CLIC5: variants seen among roughly 807,000 people sequenced by gnomAD.
CLIC5 encodes the protein CLIC family member 5.
Under a neutral mutation model 24.7 loss-of-function variants are expected in CLIC5, and 20 were observed. That is an observed-to-expected ratio of 0.81 (90% CI 0.57 to 1.18). The LOEUF (loss-of-function observed/expected upper bound fraction) is 1.18. Ranked by LOEUF, CLIC5 falls within the 50% of genes most tolerant of loss-of-function variation. The pLI, the probability that CLIC5 is intolerant of heterozygous loss-of-function variation, is 0.00. For synonymous variants in CLIC5, 159 were observed against 135.6 expected, an observed-to-expected ratio of 1.17 and a Z score of -1.20; for missense variants, 341 against 326.1, an observed-to-expected ratio of 1.05 and a Z score of -0.35.
chr6:45,997,775 A>T (rs1248407257), intron 1 of CLIC5, among the ~76,000 whole-genome samples: 1 of 152,254 alleles, frequency 6.6e-6, no homozygotes. Flanking sequence ...AAAGGCCTGG[A>T]ACATGAGGAA....
At chr6:46,080,212 C>T (rs899498258) in exon 1 of CLIC5, 12 of 1,551,534 alleles carry the variant, frequency 7.7e-6, no homozygotes, top group African/African-American at 1.4e-5. Context: ...TGGATTGTGT[C>T]ATAGATGGTG....
chr6:46,121,510 G>A, the CLIC5 span, among the ~76,000 whole-genome samples: 2 of 152,210 alleles, frequency 1.3e-5, no homozygotes, highest in African/African-American at 4.8e-5. Flanking sequence ...ATGCTAGGAA[G>A]AAACTGCATC....
rs1350453789 is a variant in CLIC5, at chr6:45,936,735, C to T, written c.406+4812G>A. 6.6e-5 allele frequency among the ~76,000 whole-genome samples: 10 copies of T among 152,114 alleles called. No homozygotes were observed. In the South Asian group the frequency reaches 2.1e-3, roughly 32 times the overall value. ...CCATACACAGTCACCTGCCTCTCTGCATAGGAAACACAGCATGTTTAGAAA... is the reference window on the plus strand; with the variant it reads ...CCATACACAGTCACCTGCCTCTCTGTATAGGAAACACAGCATGTTTAGAAA... On this transcript the variant is annotated intron_variant, in intron 4 of 5. Coordinates refer to ENST00000339561, the MANE Select transcript of CLIC5 (RefSeq NM_016929.5).
chr6:46,083,380 TGG>T (rs1762964068), upstream of CLIC5, among the ~76,000 whole-genome samples: 1 of 152,260 alleles, frequency 6.6e-6, no homozygotes, highest in African/African-American at 2.4e-5. Flanking sequence ...GTGCCAATTT[TGG>T]ATCTTTCCTG....
the CLIC5 span, among the ~76,000 whole-genome samples, chr6:46,128,918 C>T: frequency 6.6e-6 from 1 of 152,182 alleles, no homozygotes; most frequent in African/African-American, 2.4e-5. Flanking sequence ...ATCTCCATGG[C>T]TGCTTCCAGA....
intron 1 of CLIC5, among the ~76,000 whole-genome samples, chr6:45,974,782 T>C (rs1765332096): frequency 6.6e-6 from 1 of 152,068 alleles, no homozygotes; most frequent in Non-Finnish European, 1.5e-5. Context: ...GTAACATGTG[T>C]GGATATATAT....
upstream of CLIC5, among the ~76,000 whole-genome samples, chr6:46,016,798 G>A (rs959930247): frequency 6.6e-6 from 1 of 152,130 alleles, no homozygotes; most frequent in African/African-American, 2.4e-5. Context: ...CATTATTCTG[G>A]CTTGTAGCAG....
intron 6 of CLIC5, among the ~76,000 whole-genome samples, chr6:45,884,658 C>A (rs1235053643): frequency 6.6e-6 from 1 of 152,122 alleles, no homozygotes; most frequent in Non-Finnish European, 1.5e-5. Context: ...GGGCTGTGTC[C>A]TGAGTGAGAA....
intron 2 of CLIC5, among the ~76,000 whole-genome samples, chr6:45,953,388 T>C (rs1028615661): frequency 1.3e-5 from 2 of 152,136 alleles, no homozygotes; most frequent in Middle Eastern, 3.4e-3. Context: ...GGTGTGCTTG[T>C]ATGAGTGTGG....
chr6:45,918,910 T>C (rs1277485071), intron 4 of CLIC5: 2 of 975,082 alleles, frequency 2.1e-6, no homozygotes, highest in Admixed American at 1.2e-4. Flanking sequence ...ATTCAACAGA[T>C]GAAGAAACTG....
upstream of CLIC5, among the ~76,000 whole-genome samples, chr6:46,080,956 A>G (rs1380647391): frequency 6.6e-6 from 1 of 152,164 alleles, no homozygotes; most frequent in African/African-American, 2.4e-5. Flanking sequence ...TCCCCCTTAA[A>G]TCTGCATGAT....
the CLIC5 span, among the ~76,000 whole-genome samples, chr6:46,092,799 A>T: frequency 2.0e-4 from 31 of 152,292 alleles, 1 homozygote; most frequent in East Asian, 5.8e-3. Context: ...CATTGTTAAT[A>T]ATCATAGCAC....
intron 4 of CLIC5, among the ~76,000 whole-genome samples, chr6:45,927,632 T>C (rs1230214816): frequency 2.6e-5 from 4 of 152,172 alleles, no homozygotes; most frequent in Admixed American, 6.5e-5. Context: ...GGAATCTACA[T>C]TGAACAAGCT....
rs146620600 is a variant in CLIC5 at position 45,990,672 on chromosome 6, A to G, written c.63+24808T>C. ...AAAATATACTGATGCCAAGTCCAAGATCAGAAATGTGCTCTTAATCTAAAT... is the reference window on the plus strand; with the variant it reads ...AAAATATACTGATGCCAAGTCCAAGGTCAGAAATGTGCTCTTAATCTAAAT... On this transcript the variant is annotated intron_variant, in intron 1 of 5. Coordinates refer to ENST00000339561, the MANE Select transcript of CLIC5 (RefSeq NM_016929.5). Among the ~76,000 whole-genome samples, 185 of 152,372 alleles carry G rather than the reference A, an allele frequency of 1.2e-3. 1 individual carries two copies. The highest frequency in any genetic ancestry group is 4.1e-3 in the African/African-American group (171 of 41,586).
intron 4 of CLIC5, among the ~76,000 whole-genome samples, chr6:45,929,217 T>C (rs1226276739): frequency 6.6e-6 from 1 of 152,158 alleles, no homozygotes; most frequent in African/African-American, 2.4e-5. Flanking sequence ...GAGCAAGATT[T>C]GTTAAATTAT....
the CLIC5 span, among the ~76,000 whole-genome samples, chr6:46,127,709 G>A: frequency 6.6e-6 from 1 of 152,166 alleles, no homozygotes; most frequent in South Asian, 2.1e-4. Flanking sequence ...AAGTTTGGGT[G>A]AGACCTCAGT....
chr6:46,017,875 G>A (rs189341776), upstream of CLIC5, among the ~76,000 whole-genome samples: 8 of 152,324 alleles, frequency 5.3e-5, no homozygotes, highest in East Asian at 1.5e-3. Context: ...TGTCCCCACA[G>A]ACTCTCAGTG....
At chr6:45,883,156 C>A (rs1257911741) in intron 6 of CLIC5, among the ~76,000 whole-genome samples, 1 of 152,170 alleles carries the variant, frequency 6.6e-6, no homozygotes, top group Non-Finnish European at 1.5e-5. Flanking sequence ...TGTCTTACAA[C>A]ATATTCCACA....
intron 6 of CLIC5, among the ~76,000 whole-genome samples, chr6:45,884,213 C>A (rs2127280340): frequency 6.6e-6 from 1 of 152,236 alleles, no homozygotes; most frequent in African/African-American, 2.4e-5. Context: ...AGCCATAGAA[C>A]TGGGCATACT....
Sources: gnomAD v4.1 joint callset for allele counts (sites outside exome capture counted in the v4.1 genomes callset) on GRCh38, gnomAD v4.1.1 for gene constraint, MANE v1.5 for transcripts, NCBI Gene and HGNC (gene_info 2026-07-23, HGNC 2026-07-21) for gene names.